The following RPN1 variants were observed in gnomAD, a reference collection of about 807,000 sequenced individuals.
The protein encoded by RPN1 is dolichyl-diphosphooligosaccharide--protein glycosyltransferase subunit 1.
A neutral mutation model predicts 55.5 loss-of-function variants in RPN1; 12 were observed. That is an observed-to-expected ratio of 0.22 (90% CI 0.14 to 0.35). The LOEUF is 0.35. Ranked by LOEUF, RPN1 falls within the 10% of genes least tolerant of loss-of-function variation. The pLI is 1.00. For missense variants in RPN1, 679 were observed against 761.3 expected, an observed-to-expected ratio of 0.89 and a Z score of 1.27; for synonymous variants, 317 against 305.9, an observed-to-expected ratio of 1.04 and a Z score of -0.38.
intron 5 of RPN1, among the ~76,000 whole-genome samples, chr3:128,628,706 G>C (rs1048267098): frequency 1.1e-4 from 17 of 150,866 alleles, no homozygotes; most frequent in African/African-American, 4.1e-4. Flanking sequence ...AACAGGCCTG[G>C]CACAGTGGCT....
chr3:128,633,205 GCA>G (rs2069653369), intron 3 of RPN1, among the ~76,000 whole-genome samples: 1 of 151,660 alleles, frequency 6.6e-6, no homozygotes, highest in Non-Finnish European at 1.5e-5. Flanking sequence ...GCAAAATACA[GCA>G]AGAGGTTTTT....
At chr3:128,645,096 C>T in intron 1 of RPN1, 113 bp from the exon 2 acceptor site, 1 of 657,556 alleles carries the variant, frequency 1.5e-6, no homozygotes, top group Non-Finnish European at 2.7e-6. Context: ...ACTATCAGAA[C>T]TTTTTAGAGA....
At chr3:128,624,373 G>A (rs1465506587) in intron 8 of RPN1, among the ~76,000 whole-genome samples, 1 of 151,932 alleles carries the variant, frequency 6.6e-6, no homozygotes, top group African/African-American at 2.4e-5. Context: ...CCAGCTATTC[G>A]AGAGGCCAAG....
intron 1 of RPN1, among the ~76,000 whole-genome samples, chr3:128,645,295 A>T (rs1400012144): frequency 6.6e-6 from 1 of 152,088 alleles, no homozygotes; most frequent in Non-Finnish European, 1.5e-5. Context: ...AACATGGAGA[A>T]ACCCCATCTC....
chr3:128,648,069 A>G (rs1003805553), intron 1 of RPN1, among the ~76,000 whole-genome samples: 15 of 151,962 alleles, frequency 9.9e-5, no homozygotes, highest in African/African-American at 3.6e-4. Context: ...GAGCAGCCTG[A>G]CCAATATGAT....
intron 2 of RPN1, among the ~76,000 whole-genome samples, chr3:128,642,885 G>C (rs544679886): frequency 9.9e-5 from 15 of 152,064 alleles, no homozygotes; most frequent in African/African-American, 3.6e-4. Flanking sequence ...GGGCGTGGTA[G>C]CACGCGCCTT....
chr3:128,639,408 C>T (rs974081419), intron 2 of RPN1, among the ~76,000 whole-genome samples: 2 of 142,644 alleles, frequency 1.4e-5, no homozygotes, highest in Admixed American at 7.3e-5. Flanking sequence ...GCGCCGAGAT[C>T]GTGCCACTGC....
At chr3:128,643,093 A>C (rs9841041) in intron 2 of RPN1, among the ~76,000 whole-genome samples, 2 of 151,308 alleles carry the variant, frequency 1.3e-5, no homozygotes, top group South Asian at 2.1e-4. Flanking sequence ...TTGGGAGGCC[A>C]AGACGGGCAG....
Position 128,632,014 on chromosome 3 carries a change from C to T in RPN1, c.777G>A (p.Gly259=). ...TCTGGTAATCATAGCGTGAGAAAGG[C>T]CCCTTAAGCACAGCTCCTGTGTGCT... ...DLKHTGAVLK[G]PFSRYDYQRQ... is the part of the protein sequence containing the mutation. The change falls in exon 4 of 10, where the codon GGG becomes GGA. Residue 259 remains glycine, a synonymous_variant. Coordinates refer to ENST00000296255, the MANE Select transcript of RPN1 (RefSeq NM_002950.4). The T allele has an allele frequency of 6.2e-7, 1 of 1,614,184 alleles. No individual in the cohort carries two copies. Among genetic ancestry groups the T allele is most frequent in the South Asian group, 1.1e-5 (1 of 91,090 alleles).
chr3:128,633,537 T>C (rs2069656081), intron 3 of RPN1, among the ~76,000 whole-genome samples: 1 of 152,124 alleles, frequency 6.6e-6, no homozygotes, highest in South Asian at 2.1e-4. Flanking sequence ...AAAATGTTCA[T>C]ATCCTTCAAT....
chr3:128,644,515 C>A, intron 2 of RPN1: 2 of 386,818 alleles, frequency 5.2e-6, no homozygotes. Context: ...CACATATTAG[C>A]CAAGTGTGGT....
Position 128,626,124 on chromosome 3 carries a change from C to T in RPN1, c.1137-112G>A, listed in dbSNP as rs1188398872. On this transcript the variant is annotated intron_variant, in intron 6 of 9. Coordinates refer to ENST00000296255, the MANE Select transcript of RPN1 (RefSeq NM_002950.4). ...GCCTTTCAAGATCACTAAATTCACACTCCTCCACTCTGCTCCCTTCTCAGC... is the reference window on the plus strand; with the variant it reads ...GCCTTTCAAGATCACTAAATTCACATTCCTCCACTCTGCTCCCTTCTCAGC... 4 of 1,016,676 alleles carry T rather than the reference C, an allele frequency of 3.9e-6. No individual in the cohort carries two copies. The African/African-American group carries it at 4.9e-5, about 12-fold the overall frequency. The allele number at this position is 1,016,676 out of a possible 1,614,324, so 63.0% of individuals were successfully genotyped here.
At chr3:128,629,882 A>G in intron 5 of RPN1, 69 bp downstream of exon 5, 1 of 857,012 alleles carries the variant, frequency 1.2e-6, no homozygotes. Flanking sequence ...ATAAAGACTG[A>G]TAATTGAAAG....
chr3:128,625,589 T>C lies in RPN1; in HGVS notation c.1340A>G (p.Tyr447Cys), dbSNP rs779698096. The change falls in exon 8 of 10, where the codon TAC (tyrosine) becomes TGC (cysteine). Residue 447 changes from tyrosine to cysteine, a missense_variant. Physicochemically the swap from Tyr to Cys is radical, Grantham distance 194. Around this residue, in one of 3 missense-constraint regions of RPN1, gnomAD observed 306 missense variants for 360.0 expected, o/e 0.85. Transcript: ENST00000296255. ...QEPLLVVAAF[Y>C]ILFFTVIIYV... ...GATGATAACGGTGAAGAACAGGATGTAGAAGGCCGCCACCACCAGCAGGGG... is the reference window on the plus strand; with the variant it reads ...GATGATAACGGTGAAGAACAGGATGCAGAAGGCCGCCACCACCAGCAGGGG... 5.6e-6 allele frequency: 9 copies of C among 1,613,948 alleles called. No homozygotes were observed. Among genetic ancestry groups the C allele is most frequent in the African/African-American group, 2.7e-5 (2 of 74,884 alleles).
Position 128,632,076 on chromosome 3 carries a change from A to C in RPN1, c.715T>G (p.Trp239Gly), listed in dbSNP as rs2069646612. 1 of 1,614,208 alleles carries C rather than the reference A, an allele frequency of 6.2e-7. No individual in the cohort carries two copies. Among genetic ancestry groups the C allele is most frequent in the African/African-American group, 1.3e-5 (1 of 75,056 alleles). Residue 239 changes from tryptophan (W) to glycine (G), a missense_variant, in exon 4 of 10, where the codon TGG becomes GGG. Around this residue, in one of 3 missense-constraint regions of RPN1, gnomAD observed 352 missense variants for 352.8 expected, o/e 1.00. Coordinates refer to ENST00000296255, the MANE Select transcript of RPN1 (RefSeq NM_002950.4). ...TTTTCTTCCACAGCAATATTACCCCAGTGAGAGACTTCAATGACTCGGGTC... is the reference window on the plus strand; with the variant it reads ...TTTTCTTCCACAGCAATATTACCCCCGTGAGAGACTTCAATGACTCGGGTC... Reference protein sequence around the residue: ...SMTRVIEVSHWGNIAVEENVD... With the variant: ...SMTRVIEVSHGGNIAVEENVD...
chr3:128,621,680 G>A (rs1321232196), intron 9 of RPN1, among the ~76,000 whole-genome samples: 1 of 152,132 alleles, frequency 6.6e-6, no homozygotes, highest in Admixed American at 6.6e-5. Context: ...TGAATATTTT[G>A]CATGCATTAA....
chr3:128,646,962 G>A (rs1394806937), intron 1 of RPN1, among the ~76,000 whole-genome samples: 1 of 150,242 alleles, frequency 6.7e-6, no homozygotes, highest in Non-Finnish European at 1.5e-5. Flanking sequence ...AACAGAGTGG[G>A]ACTTCCTCTC....
At chr3:128,640,010 A>G (rs1188704234) in intron 2 of RPN1, among the ~76,000 whole-genome samples, 4 of 152,152 alleles carry the variant, frequency 2.6e-5, no homozygotes, top group Non-Finnish European at 5.9e-5. Flanking sequence ...TGTCTCTACT[A>G]AAAGTACAAA....
At chr3:128,621,756 G>A (rs2069561208) in intron 9 of RPN1, among the ~76,000 whole-genome samples, 1 of 152,216 alleles carries the variant, frequency 6.6e-6, no homozygotes, top group Admixed American at 6.5e-5. Context: ...TGAGGAAACT[G>A]AGGCACAGAA....
Sources: allele counts gnomAD v4.1 joint callset (sites outside exome capture counted in the v4.1 genomes callset), GRCh38; gene constraint gnomAD v4.1.1; regional missense constraint gnomAD v4.1.1; transcripts MANE v1.5; gene names NCBI Gene and HGNC (gene_info 2026-07-23, HGNC 2026-07-21).